CCDC178: variants seen among roughly 807,000 people sequenced by gnomAD.
CCDC178 encodes coiled-coil domain-containing protein 178.
Under a neutral mutation model 117.4 loss-of-function variants are expected in CCDC178, and 126 were observed. That is an observed-to-expected ratio of 1.07 (90% CI 0.93 to 1.24). The LOEUF (loss-of-function observed/expected upper bound fraction) is 1.24, where lower values mean the gene tolerates loss of function less well. CCDC178 is among the 50% of genes most tolerant of loss of function. The pLI, the probability that CCDC178 is intolerant of heterozygous loss-of-function variation, is 0.00. For synonymous variants in CCDC178, 283 were observed against 313.4 expected (o/e 0.90, Z 1.02); for missense variants, 1,030 against 986.9 (o/e 1.04, Z -0.59).
chr18:33,028,122 T>C (rs1339881860), intron 21 of CCDC178, among the ~76,000 whole-genome samples: 1 of 151,532 alleles, frequency 6.6e-6, no homozygotes, highest in Non-Finnish European at 1.5e-5. Context: ...AATATATTAA[T>C]AGAAGGAAGG....
chr18:32,974,792 T>C, intron 21 of CCDC178, 111 bp from the exon 22 acceptor site: 1 of 1,019,460 alleles, frequency 9.8e-7, no homozygotes, highest in Non-Finnish European at 1.5e-6. Flanking sequence ...AATAGCCCAT[T>C]CTGCACTGCA....
intron 15 of CCDC178, among the ~76,000 whole-genome samples, chr18:33,237,545 T>A (rs56959895): frequency 0.17 from 25,440 of 151,576 alleles, 3,091 homozygotes; most frequent in African/African-American, 0.35. Flanking sequence ...CAGCCTCTTG[T>A]CCCTCCCCTC....
At chr18:33,244,368 G>A (rs1406523767) in intron 15 of CCDC178, among the ~76,000 whole-genome samples, 1 of 151,904 alleles carries the variant, frequency 6.6e-6, no homozygotes, top group African/African-American at 2.4e-5. Context: ...TTGCAAGTCT[G>A]ATATGGTTTG....
intron 20 of CCDC178, among the ~76,000 whole-genome samples, chr18:33,185,331 C>T (rs2058778332): frequency 6.6e-6 from 1 of 151,962 alleles, no homozygotes; most frequent in Non-Finnish European, 1.5e-5. Flanking sequence ...AAAAGGAAAA[C>T]ACCTTCCATG....
chr18:33,437,228 A>T (rs1301465710), intron 2 of CCDC178, among the ~76,000 whole-genome samples: 1 of 152,228 alleles, frequency 6.6e-6, no homozygotes, highest in Non-Finnish European at 1.5e-5. Flanking sequence ...AAGGAAAACA[A>T]ATTTAAATAA....
chr18:33,197,267 G>A (rs749345184), intron 20 of CCDC178, among the ~76,000 whole-genome samples: 5 of 152,094 alleles, frequency 3.3e-5, no homozygotes, highest in South Asian at 2.1e-4. Flanking sequence ...AGACTCAAGC[G>A]ATCCTCATGC....
intron 11 of CCDC178, among the ~76,000 whole-genome samples, chr18:33,299,166 A>G (rs2062144606): frequency 6.6e-6 from 1 of 152,144 alleles, no homozygotes; most frequent in Non-Finnish European, 1.5e-5. Flanking sequence ...AGCAATTTTG[A>G]GCAAAACAAC....
intron 7 of CCDC178, among the ~76,000 whole-genome samples, 159 bp from the exon 8 acceptor site, chr18:33,349,134 G>T (rs890863904): frequency 2.0e-5 from 3 of 151,678 alleles, no homozygotes; most frequent in African/African-American, 7.3e-5. Flanking sequence ...AATTCTAATA[G>T]GTAATGGGAT....
chr18:33,151,538 G>A (rs183706145), intron 20 of CCDC178, among the ~76,000 whole-genome samples: 4 of 152,182 alleles, frequency 2.6e-5, no homozygotes, highest in East Asian at 1.9e-4. Context: ...AAATACAACA[G>A]TTCTCTTAGA....
chr18:33,132,330 GT>G (rs1462816702), intron 20 of CCDC178, among the ~76,000 whole-genome samples: 1 of 151,672 alleles, frequency 6.6e-6, no homozygotes, highest in Admixed American at 6.6e-5. Flanking sequence ...ATGAAAGAAT[GT>G]TTTCATGTAA....
intron 21 of CCDC178, among the ~76,000 whole-genome samples, chr18:33,033,417 A>T (rs915457981): frequency 6.6e-6 from 1 of 152,022 alleles, no homozygotes; most frequent in Non-Finnish European, 1.5e-5. Flanking sequence ...TGTTTTCGGG[A>T]TGAATCCAAC....
chr18:33,077,263 G>C (rs1265052513), intron 21 of CCDC178, among the ~76,000 whole-genome samples: 1 of 152,154 alleles, frequency 6.6e-6, no homozygotes, highest in East Asian at 1.9e-4. Flanking sequence ...GCTAGCTCTG[G>C]TTCCCACTTA....
chr18:33,395,411 C>G (rs1424493358), intron 4 of CCDC178, among the ~76,000 whole-genome samples: 1 of 151,844 alleles, frequency 6.6e-6, no homozygotes, highest in Non-Finnish European at 1.5e-5. Context: ...GCTATAGCCT[C>G]GGAGCAAAGG....
At chr18:33,348,835 A>C (rs1319540437) in intron 8 of CCDC178, 55 bp downstream of exon 8, 1 of 1,038,950 alleles carries the variant, frequency 9.6e-7, no homozygotes, top group South Asian at 1.3e-5. Flanking sequence ...ATATTAAATG[A>C]AGTCAATGAA....
chr18:33,087,406 A>T (rs2057395249), intron 21 of CCDC178, among the ~76,000 whole-genome samples: 1 of 152,172 alleles, frequency 6.6e-6, no homozygotes, highest in South Asian at 2.1e-4. Context: ...GGCATCCCCA[A>T]AGCTCTTCAC....
In CCDC178 at chr18:33,394,680, A is replaced by G. The variant is rs373302943; in HGVS notation, c.118+2469T>C. On this transcript the variant is annotated intron_variant, in intron 4 of 22. Transcript: ENST00000383096. Reference sequence around the variant, plus strand: ...CCTCAGAATTATATTTTCCTTAAGCATATCTTGGAATATATATTAAATAGT... The same window carrying G: ...CCTCAGAATTATATTTTCCTTAAGCGTATCTTGGAATATATATTAAATAGT... Among the ~76,000 whole-genome samples the G allele has an allele frequency of 3.8e-4, 58 of 151,718 alleles. No individual in the cohort carries two copies. In the East Asian group the frequency reaches 8.5e-3, roughly 22 times the overall value.
chr18:32,955,806 T>C (rs1260081550), intron 22 of CCDC178, among the ~76,000 whole-genome samples: 1 of 152,176 alleles, frequency 6.6e-6, no homozygotes, highest in African/African-American at 2.4e-5. Context: ...TAGTGTTACA[T>C]AATCTCTTTA....
At chr18:33,004,865 G>T (rs2055716335) in intron 21 of CCDC178, among the ~76,000 whole-genome samples, 1 of 152,024 alleles carries the variant, frequency 6.6e-6, no homozygotes, top group African/African-American at 2.4e-5. Context: ...ATGAAAAGGT[G>T]CTCAACATCA....
intron 21 of CCDC178, among the ~76,000 whole-genome samples, chr18:33,077,303 G>A (rs1248451181): frequency 1.3e-5 from 2 of 152,090 alleles, no homozygotes; most frequent in African/African-American, 2.4e-5. Context: ...TTACAACAAA[G>A]TACCTGTTAT....
Sources: gnomAD v4.1 joint callset for allele counts (sites outside exome capture counted in the v4.1 genomes callset) on GRCh38, gnomAD v4.1.1 for gene constraint, MANE v1.5 for transcripts, NCBI Gene and HGNC (gene_info 2026-07-23, HGNC 2026-07-21) for gene names.